AP3S1: variants seen among roughly 807,000 people sequenced by gnomAD.
AP3S1 encodes the protein AP-3 complex subunit sigma-1.
In AP3S1, 12 loss-of-function variants were observed where a neutral mutation model predicts 21.3. That is an observed-to-expected ratio of 0.56 (90% confidence interval 0.36 to 0.91). The LOEUF (loss-of-function observed/expected upper bound fraction) is 0.91, where lower values mean the gene tolerates loss of function less well. AP3S1 is among the 40% of genes least tolerant of loss of function. The probability of loss-of-function intolerance (pLI) is 0.01; values close to 1 mark genes in which losing one functional copy is unlikely to be tolerated. For missense variants in AP3S1, 116 were observed against 225.0 expected, an observed-to-expected ratio of 0.52 and a Z score of 3.10; for synonymous variants, 48 against 78.4, an observed-to-expected ratio of 0.61 and a Z score of 2.05.
At position 115,841,974 on chromosome 5, in the gene AP3S1, G is replaced by GCAGGC; in HGVS notation, c.-63_-62insAGGCC. On this transcript the variant is annotated 5_prime_UTR_variant, in exon 1 of 6. Transcript: ENST00000316788. ...GAAGGATCGCAGGCGAGATTACGAGGCGAGGCTCGCGCGCCCGCCCCCGCC... is the reference window on the plus strand; with the variant it reads ...GAAGGATCGCAGGCGAGATTACGAGGCAGGCCGAGGCTCGCGCGCCCGCCCCCGCC... 2.0e-6 allele frequency: 3 copies of GCAGGC among 1,520,026 alleles called. No individual in the cohort carries two copies. The highest frequency in any genetic ancestry group is 2.7e-6 in the Non-Finnish European group (3 of 1,127,336). 94.2% of individuals were successfully genotyped at this position (1,520,026 alleles called of 1,614,324 possible). A position where few individuals can be genotyped will look rare whatever the true frequency, so the allele number is the denominator to read the frequency against.
chr5:115,905,383 T>G (rs1227659288), intron 5 of AP3S1, among the ~76,000 whole-genome samples: 1 of 152,230 alleles, frequency 6.6e-6, no homozygotes, highest in Non-Finnish European at 1.5e-5. Context: ...GGTGATTACT[T>G]CTATTATTCA....
At chr5:115,883,083 G>C (rs937055778) in intron 3 of AP3S1, among the ~76,000 whole-genome samples, 4 of 152,220 alleles carry the variant, frequency 2.6e-5, no homozygotes, top group African/African-American at 9.7e-5. Context: ...GTTGACTTCA[G>C]ACTGCTGTGC....
At chr5:115,844,921 A>G (rs1000570316) in intron 1 of AP3S1, among the ~76,000 whole-genome samples, 3 of 152,194 alleles carry the variant, frequency 2.0e-5, no homozygotes, top group African/African-American at 7.2e-5. Context: ...TAAGCAGTCA[A>G]CACTGAGTCT....
chr5:115,910,312 A>T (rs1399315100), intron 5 of AP3S1, among the ~76,000 whole-genome samples: 1 of 151,476 alleles, frequency 6.6e-6, no homozygotes, highest in Non-Finnish European at 1.5e-5. Flanking sequence ...GCCTTTCTCT[A>T]TCACAATATT....
At chr5:115,892,062 G>A (rs1326160446) in intron 3 of AP3S1, among the ~76,000 whole-genome samples, 1 of 152,160 alleles carries the variant, frequency 6.6e-6, no homozygotes, top group East Asian at 1.9e-4. Context: ...ATATGAAAAG[G>A]TGTTCAACAT....
intron 4 of AP3S1, among the ~76,000 whole-genome samples, chr5:115,900,663 A>G (rs1355294428): frequency 2.0e-5 from 3 of 152,142 alleles, no homozygotes; most frequent in Admixed American, 1.3e-4. Flanking sequence ...TCCAGCCCTC[A>G]AGTCAGCCAT....
At chr5:115,871,823 A>G (rs780211195) in intron 3 of AP3S1, among the ~76,000 whole-genome samples, 3 of 152,288 alleles carry the variant, frequency 2.0e-5, no homozygotes, top group South Asian at 2.1e-4. Context: ...ATGACTACTC[A>G]TACAGTCTCC....
chr5:115,893,104 G>T (rs1750456311), intron 3 of AP3S1, among the ~76,000 whole-genome samples: 1 of 152,156 alleles, frequency 6.6e-6, no homozygotes, highest in South Asian at 2.1e-4. Context: ...TAAGCAAAAA[G>T]TAATCCCTTC....
intron 3 of AP3S1, among the ~76,000 whole-genome samples, chr5:115,871,832 C>T (rs1259322649): frequency 6.6e-6 from 1 of 152,188 alleles, no homozygotes; most frequent in Non-Finnish European, 1.5e-5. Context: ...CATACAGTCT[C>T]CTCTCTCCTA....
intron 3 of AP3S1, among the ~76,000 whole-genome samples, chr5:115,890,216 C>T (rs1211409803): frequency 6.6e-6 from 1 of 152,086 alleles, no homozygotes; most frequent in Admixed American, 6.5e-5. Flanking sequence ...ATGTTCTTAA[C>T]AGTACTAATT....
At chr5:115,868,280 A>C (rs868401949) in intron 2 of AP3S1, among the ~76,000 whole-genome samples, 2 of 152,232 alleles carry the variant, frequency 1.3e-5, no homozygotes, top group Non-Finnish European at 1.5e-5. Flanking sequence ...AAAGTAAAGC[A>C]AAAGTTTTAA....
At chr5:115,865,129 T>C (rs1763512467) in intron 1 of AP3S1, among the ~76,000 whole-genome samples, 1 of 152,022 alleles carries the variant, frequency 6.6e-6, no homozygotes, top group African/African-American at 2.4e-5. Context: ...TTTCTGCCTT[T>C]GCCATACTTA....
chr5:115,856,395 A>G (rs1045458701), intron 1 of AP3S1, among the ~76,000 whole-genome samples: 1 of 151,502 alleles, frequency 6.6e-6, no homozygotes, highest in African/African-American at 2.4e-5. Context: ...TATACATTAT[A>G]AAAGGATCCA....
intron 3 of AP3S1, among the ~76,000 whole-genome samples, chr5:115,886,601 C>T (rs1164668233): frequency 3.3e-5 from 5 of 152,244 alleles, no homozygotes; most frequent in Non-Finnish European, 7.4e-5. Flanking sequence ...TTTATGTTAT[C>T]GGTAAGGCTT....
At chr5:115,878,409 T>C (rs1748931590) in intron 3 of AP3S1, among the ~76,000 whole-genome samples, 1 of 151,246 alleles carries the variant, frequency 6.6e-6, no homozygotes, top group African/African-American at 2.4e-5. Context: ...GCTTTCAGTT[T>C]TCTGCATATG....
intron 3 of AP3S1, among the ~76,000 whole-genome samples, chr5:115,883,478 CTTCCT>C: frequency 6.6e-6 from 1 of 152,212 alleles, no homozygotes; most frequent in Admixed American, 6.5e-5. Flanking sequence ...ACCCCTTACG[CTTCCT>C]AGGTGAGATG....
chr5:115,903,912 AT>A (rs1397773249), intron 5 of AP3S1: 3 of 152,162 alleles, frequency 2.0e-5, no homozygotes, highest in African/African-American at 7.2e-5. Flanking sequence ...TACTAAAAAA[AT>A]AAAAATAAAA....
At position 115,851,832 on chromosome 5, in the gene AP3S1, TTTG is replaced by T. The variant is rs147357109; in HGVS notation, c.69+9748_69+9750del. On this transcript the variant is annotated intron_variant, in intron 1 of 5. Coordinates refer to ENST00000316788, the MANE Select transcript of AP3S1 (RefSeq NM_001284.4). ...TGTTTAATGAGATTTAACTTACGTT[TTTG>T]TTGTTGTTGTTGTTGTTGTTGCTGG... is the stretch of plus-strand genomic sequence containing the variant. 2.8e-3 allele frequency among the ~76,000 whole-genome samples: 423 copies of T among 152,038 alleles called. 1 individual carries two copies. Among genetic ancestry groups the T allele is most frequent in the African/African-American group, 9.2e-3 (381 of 41,492 alleles).
intron 3 of AP3S1, among the ~76,000 whole-genome samples, chr5:115,882,443 T>C (rs755730630): frequency 8.5e-5 from 13 of 152,204 alleles, no homozygotes; most frequent in Non-Finnish European, 1.6e-4. Flanking sequence ...TTAGTTTTCC[T>C]TCTAACAGGC....
Sources: gnomAD v4.1 joint callset for allele counts (sites outside exome capture counted in the v4.1 genomes callset) on GRCh38, gnomAD v4.1.1 for gene constraint, MANE v1.5 for transcripts, NCBI Gene and HGNC (gene_info 2026-07-23, HGNC 2026-07-21) for gene names.